The following NRG1 variants were observed in gnomAD, a reference collection of about 807,000 sequenced individuals.
NRG1 encodes neuregulin 1, also known as pro-neuregulin-1, membrane-bound isoform.
NRG1 carries 18 observed loss-of-function variants against 63.8 expected under a neutral mutation model. The observed-to-expected ratio is 0.28, with a 90% CI of 0.19 to 0.42. NRG1 has a LOEUF of 0.42. Among genes scored for constraint, NRG1 ranks in the 10% least tolerant of loss-of-function variants. The pLI, the probability that NRG1 is intolerant of heterozygous loss-of-function variation, is 1.00. For synonymous variants in NRG1, 302 were observed against 301.3 expected (o/e 1.00, Z -0.02); for missense variants, 762 against 814.7 (o/e 0.94, Z 0.79).
chr8:32,771,718 A>G (rs1294329637), downstream of NRG1, among the ~76,000 whole-genome samples: 1 of 126,632 alleles, frequency 7.9e-6, no homozygotes, highest in African/African-American at 2.9e-5. Context: ...AAAAAAAAAT[A>G]TATATATATA....
chr8:31,926,908 A>G (rs1274188344), intron 1 of NRG1, among the ~76,000 whole-genome samples: 2 of 152,156 alleles, frequency 1.3e-5, no homozygotes, highest in South Asian at 2.1e-4. Context: ...CTATTTTTCC[A>G]GTAACCTGAC....
chr8:32,706,814 T>C (rs1816550274), intron 5 of NRG1, among the ~76,000 whole-genome samples: 1 of 152,126 alleles, frequency 6.6e-6, no homozygotes, highest in Admixed American at 6.5e-5. Context: ...TTAGCCACAC[T>C]TGTATACTTT....
At chr8:32,330,175 T>A (rs1802484912) in intron 1 of NRG1, among the ~76,000 whole-genome samples, 1 of 151,452 alleles carries the variant, frequency 6.6e-6, no homozygotes, top group Non-Finnish European at 1.5e-5. Flanking sequence ...GCATGCACCT[T>A]GTGTCTCACT....
At position 32,633,847 on chromosome 8, in the gene NRG1, C is replaced by T. The variant is rs147804547; in HGVS notation, c.502+16962C>T. On this transcript the variant is annotated intron_variant, in intron 5 of 11. Transcript: ENST00000356819. ...AGGAACGAATGAAGTTGCTTAAGGC[C>T]GGGAGCAGTAGTCTGTAGATGAGTC... Among the ~76,000 whole-genome samples the T allele has an allele frequency of 2.6e-3, 391 of 151,950 alleles. 1 individual carries two copies. Among genetic ancestry groups the T allele is most frequent in the African/African-American group, 8.7e-3 (360 of 41,434 alleles).
At chr8:32,043,152 G>T (rs916894274) in intron 1 of NRG1, among the ~76,000 whole-genome samples, 4 of 151,576 alleles carry the variant, frequency 2.6e-5, no homozygotes, top group Non-Finnish European at 5.9e-5. Context: ...TAATGAAACT[G>T]CTGAAAACTA....
intron 7 of NRG1, among the ~76,000 whole-genome samples, chr8:32,743,720 T>A (rs1826912368): frequency 6.7e-6 from 1 of 150,164 alleles, no homozygotes; most frequent in Non-Finnish European, 1.5e-5. Flanking sequence ...CCAAACCATG[T>A]ATTTGTCCTA....
intron 1 of NRG1, among the ~76,000 whole-genome samples, chr8:32,568,495 T>C (rs1396515172): frequency 1.3e-5 from 2 of 152,154 alleles, no homozygotes; most frequent in African/African-American, 4.8e-5. Flanking sequence ...TCCAAGTACT[T>C]CAAATGATAG....
intron 1 of NRG1, among the ~76,000 whole-genome samples, chr8:31,837,714 A>G (rs1825818207): frequency 1.3e-5 from 2 of 152,118 alleles, no homozygotes; most frequent in Admixed American, 1.3e-4. Context: ...TAGATTCTAC[A>G]TGAGTGAGAT....
At chr8:32,538,027 T>C (rs1395491479) in intron 1 of NRG1, among the ~76,000 whole-genome samples, 3 of 152,022 alleles carry the variant, frequency 2.0e-5, no homozygotes, top group Non-Finnish European at 1.5e-5. Context: ...AATTTTTGTA[T>C]TTTTAGTAGA....
intron 1 of NRG1, among the ~76,000 whole-genome samples, chr8:32,592,613 C>T (rs906219186): frequency 3.3e-5 from 5 of 151,754 alleles, no homozygotes; most frequent in Non-Finnish European, 4.4e-5. Context: ...GAAGGAGAGA[C>T]GAGCTAGAGA....
At chr8:31,642,918 A>G (rs540869118) in intron 1 of NRG1, among the ~76,000 whole-genome samples, 6 of 152,310 alleles carry the variant, frequency 3.9e-5, no homozygotes, top group Admixed American at 3.9e-4. Context: ...AAAGCAAATA[A>G]TATCAGCTAT....
intron 1 of NRG1, among the ~76,000 whole-genome samples, chr8:32,357,872 A>T (rs7013562): frequency 0.012 from 1,787 of 152,310 alleles, 34 homozygotes; most frequent in African/African-American, 0.04. Flanking sequence ...ACAGTGTAAT[A>T]AGTACTCTGG....
At chr8:32,457,510 AAT>A (rs1305043803) in intron 1 of NRG1, among the ~76,000 whole-genome samples, 1 of 152,220 alleles carries the variant, frequency 6.6e-6, no homozygotes, top group Admixed American at 6.5e-5. Flanking sequence ...ACTCCCTTGT[AAT>A]ATAAAAGGAA....
chr8:32,228,335 C>T lies in NRG1; in HGVS notation c.38-367493C>T, dbSNP rs150912890. Among the ~76,000 whole-genome samples, 60 of 152,240 alleles carry T rather than the reference C, an allele frequency of 3.9e-4. No individual in the cohort carries two copies. In the East Asian group the frequency reaches 0.011, roughly 27 times the overall value. On this transcript the variant is annotated intron_variant, in intron 1 of 10. Transcript: ENST00000519301. Reference sequence around the variant, plus strand: ...AACTGAATTTTAGTAACAACAACTTCAACTTAAAAAATTCCATGTAATTAA... The same window carrying T: ...AACTGAATTTTAGTAACAACAACTTTAACTTAAAAAATTCCATGTAATTAA...
intron 1 of NRG1, among the ~76,000 whole-genome samples, chr8:32,378,288 A>G (rs969972208): frequency 6.6e-6 from 1 of 152,180 alleles, no homozygotes; most frequent in Non-Finnish European, 1.5e-5. Context: ...TAGAGCACCA[A>G]ACTGTGCATT....
At chr8:32,228,007 C>T (rs2132550357) in intron 1 of NRG1, among the ~76,000 whole-genome samples, 1 of 152,282 alleles carries the variant, frequency 6.6e-6, no homozygotes, top group South Asian at 2.1e-4. Flanking sequence ...TGCTTTCTCT[C>T]AGATATTAAG....
chr8:32,434,521 C>G (rs1818550043), intron 1 of NRG1, among the ~76,000 whole-genome samples: 1 of 152,084 alleles, frequency 6.6e-6, no homozygotes, highest in Admixed American at 6.6e-5. Flanking sequence ...TCTTAATGCC[C>G]CAGAAGCCCA....
chr8:32,040,084 C>G (rs1409775039), intron 1 of NRG1, among the ~76,000 whole-genome samples: 1 of 152,078 alleles, frequency 6.6e-6, no homozygotes, highest in Non-Finnish European at 1.5e-5. Flanking sequence ...TGACTTTATT[C>G]CAGTGCTTAC....
intron 1 of NRG1, among the ~76,000 whole-genome samples, chr8:32,209,802 T>C (rs1320301359): frequency 6.6e-6 from 1 of 151,080 alleles, no homozygotes; most frequent in Non-Finnish European, 1.5e-5. Context: ...TGATGGTAAG[T>C]TACATTAGAG....
Sources: gnomAD v4.1 joint callset for allele counts (sites outside exome capture counted in the v4.1 genomes callset) on GRCh38, gnomAD v4.1.1 for gene constraint, MANE v1.5 for transcripts, NCBI Gene and HGNC (gene_info 2026-07-23, HGNC 2026-07-21) for gene names.